The following NCBP1 variants were observed in gnomAD, a reference collection of about 807,000 sequenced individuals.
The protein encoded by NCBP1 is nuclear cap-binding protein subunit 1.
Under a neutral mutation model 111.7 loss-of-function variants are expected in NCBP1, and 16 were observed. The observed-to-expected ratio is 0.14, with a 90% CI of 0.10 to 0.22. NCBP1 has a LOEUF of 0.22. Ranked by LOEUF, NCBP1 falls within the 10% of genes least tolerant of loss-of-function variation. The pLI, the probability that NCBP1 is intolerant of heterozygous loss-of-function variation, is 1.00. For missense variants in NCBP1, 607 were observed against 957.5 expected, an observed-to-expected ratio of 0.63 and a Z score of 4.83; for synonymous variants, 304 against 314.3, an observed-to-expected ratio of 0.97 and a Z score of 0.35.
chr9:97,653,959 G>A, intron 11 of NCBP1, 51 bp downstream of exon 11: 1 of 1,470,980 alleles, frequency 6.8e-7, no homozygotes, highest in Non-Finnish European at 9.3e-7. Context: ...GGTCTTAAAA[G>A]ATTATTAAAT....
intron 6 of NCBP1, among the ~76,000 whole-genome samples, chr9:97,646,076 C>T (rs920165279): frequency 6.6e-6 from 1 of 152,184 alleles, no homozygotes; most frequent in Non-Finnish European, 1.5e-5. Context: ...AACCCCCAGA[C>T]CTGATAAATT....
At chr9:97,655,901 A>T in intron 13 of NCBP1, 110 bp from the exon 14 acceptor site, 1 of 1,338,648 alleles carries the variant, frequency 7.5e-7, no homozygotes, top group South Asian at 1.3e-5. Flanking sequence ...AAGTGCAATT[A>T]TAACTTAACA....
intron 8 of NCBP1, 112 bp from the exon 9 acceptor site, chr9:97,650,391 C>A: frequency 2.9e-6 from 2 of 683,406 alleles, no homozygotes; most frequent in Non-Finnish European, 4.8e-6. Context: ...AACTTTTATC[C>A]CCATCACCCA....
intron 11 of NCBP1, among the ~76,000 whole-genome samples, chr9:97,654,545 G>C (rs1827590425): frequency 6.6e-6 from 1 of 150,576 alleles, no homozygotes; most frequent in Non-Finnish European, 1.5e-5. Flanking sequence ...TTGTTGCAGG[G>C]TTGCCACAAA....
intron 19 of NCBP1, among the ~76,000 whole-genome samples, chr9:97,665,503 G>A (rs1186070886): frequency 6.6e-6 from 1 of 152,210 alleles, no homozygotes; most frequent in Non-Finnish European, 1.5e-5. Context: ...GTGCTCAACA[G>A]CTCCATCTGT....
At chr9:97,669,297 T>A (rs1333820677) in intron 21 of NCBP1, among the ~76,000 whole-genome samples, 1 of 152,192 alleles carries the variant, frequency 6.6e-6, no homozygotes, top group Non-Finnish European at 1.5e-5. Context: ...TTTTAATGCA[T>A]AGATTCCTGT....
At chr9:97,654,609 A>G (rs1004616448) in intron 11 of NCBP1, among the ~76,000 whole-genome samples, 1 of 152,100 alleles carries the variant, frequency 6.6e-6, no homozygotes, top group Non-Finnish European at 1.5e-5. Flanking sequence ...CAATGAAACA[A>G]TGTATGCCTG....
rs1827635367 is a variant in NCBP1, at chr9:97,655,808, A to G, written c.1298+44A>G. ...TATCTTTTTCTGTAGTCAAAAAACTACTAATGTTTAAAACTGTAACATAAA... is the reference window on the plus strand; with the variant it reads ...TATCTTTTTCTGTAGTCAAAAAACTGCTAATGTTTAAAACTGTAACATAAA... On this transcript the variant is annotated intron_variant, in intron 13 of 22. Transcript: ENST00000375147. 3.9e-6 allele frequency: 6 copies of G among 1,530,922 alleles called. 1 individual carries two copies. In the South Asian group the frequency reaches 7.1e-5, roughly 18 times the overall value. 94.8% of individuals were successfully genotyped at this position (1,530,922 alleles called of 1,614,324 possible).
chr9:97,671,412 A>C lies in NCBP1; in HGVS notation c.*213A>C. On this transcript the variant is annotated 3_prime_UTR_variant, in exon 23 of 23. Coordinates refer to ENST00000375147, the MANE Select transcript of NCBP1 (RefSeq NM_002486.5). ...GCAGTAATGTGACTATGACCATGATATATTATATATGTGACAGATACAAAT... is the reference window on the plus strand; with the variant it reads ...GCAGTAATGTGACTATGACCATGATCTATTATATATGTGACAGATACAAAT... 2 of 489,412 alleles carry C rather than the reference A, an allele frequency of 4.1e-6. No homozygotes were observed. The highest frequency in any genetic ancestry group is 7.3e-6 in the Non-Finnish European group (2 of 273,214). 30.3% of individuals were successfully genotyped at this position (489,412 alleles called of 1,614,324 possible). A position where few individuals can be genotyped will look rare whatever the true frequency, so the allele number is the denominator to read the frequency against.
intron 20 of NCBP1, 24 bp downstream of exon 20, chr9:97,666,901 G>C (rs867647551): frequency 6.8e-7 from 1 of 1,472,470 alleles, no homozygotes; most frequent in Non-Finnish European, 9.3e-7. Flanking sequence ...AAACTTGTAA[G>C]TAGTTAAAGA....
intron 6 of NCBP1, among the ~76,000 whole-genome samples, chr9:97,647,280 T>C (rs1276482831): frequency 1.3e-5 from 2 of 152,224 alleles, no homozygotes; most frequent in African/African-American, 4.8e-5. Context: ...AAAGAGATTA[T>C]ATCAGTTAAC....
intron 8 of NCBP1, among the ~76,000 whole-genome samples, chr9:97,649,036 A>C (rs1311220928): frequency 6.6e-6 from 1 of 152,198 alleles, no homozygotes; most frequent in Non-Finnish European, 1.5e-5. Flanking sequence ...TCTCAGTAAA[A>C]GTACCTAGTT....
Position 97,664,366 on chromosome 9 carries a change from G to T in NCBP1, c.1824G>T (p.Met608Ile). ...PQMIAVLVDK[M>I]IRTQIVDCAA... ...TGATTGCTGTACTAGTGGATAAGAT[G>T]ATTCGTACACAAATAGTTGATTGTG... Residue 608 changes from methionine to isoleucine, a missense_variant, in exon 19 of 23, where the codon ATG (methionine) becomes ATT (isoleucine). By Grantham distance (10) the Met-to-Ile change is conservative. This residue lies in a region of NCBP1 where 282 missense variants were observed against 376.5 expected (regional missense o/e 0.75). Coordinates refer to ENST00000375147, the MANE Select transcript of NCBP1 (RefSeq NM_002486.5). 1.2e-6 allele frequency: 2 copies of T among 1,612,252 alleles called. No homozygotes were observed. The highest frequency in any genetic ancestry group is 2.2e-5 in the South Asian group (2 of 90,994).
chr9:97,651,257 G>A, intron 9 of NCBP1, 53 bp from the exon 10 acceptor site: 1 of 1,472,494 alleles, frequency 6.8e-7, no homozygotes, highest in Non-Finnish European at 9.2e-7. Context: ...CTGCTTATTT[G>A]ACTTTTCTTG....
At chr9:97,650,682 A>G (rs1827474083) in intron 9 of NCBP1, 82 bp downstream of exon 9, 3 of 1,173,570 alleles carry the variant, frequency 2.6e-6, no homozygotes, top group Admixed American at 4.2e-5. Context: ...ATATGTTGAG[A>G]GTGTAAGAAA....
chr9:97,667,139 G>A, intron 20 of NCBP1, among the ~76,000 whole-genome samples: 1 of 152,132 alleles, frequency 6.6e-6, no homozygotes, highest in Non-Finnish European at 1.5e-5. Flanking sequence ...CTCTGGGTCG[G>A]CCTCACGTTT....
chr9:97,638,132 C>T (rs892828951), intron 1 of NCBP1, among the ~76,000 whole-genome samples: 1 of 152,096 alleles, frequency 6.6e-6, no homozygotes, highest in Admixed American at 6.6e-5. Flanking sequence ...GTTCCCTTAC[C>T]CAGGTTGTCT....
chr9:97,656,747 T>A (rs1327724788), intron 14 of NCBP1, among the ~76,000 whole-genome samples: 3 of 152,158 alleles, frequency 2.0e-5, no homozygotes, highest in African/African-American at 7.2e-5. Flanking sequence ...CCTTTGAGAA[T>A]AAGCTGCATA....
At chr9:97,648,578 GTAA>G (rs1265703333) in intron 8 of NCBP1, among the ~76,000 whole-genome samples, 2 of 152,022 alleles carry the variant, frequency 1.3e-5, no homozygotes, top group South Asian at 2.1e-4. Context: ...TTTCCTGAAG[GTAA>G]TAATAATAGT....
Sources: gnomAD v4.1 joint callset for allele counts (sites outside exome capture counted in the v4.1 genomes callset) on GRCh38, gnomAD v4.1.1 for gene constraint, gnomAD v4.1.1 regional missense constraint, MANE v1.5 for transcripts, NCBI Gene and HGNC (gene_info 2026-07-23, HGNC 2026-07-21) for gene names.